The following LRRIQ1 variants were observed in gnomAD, a reference collection of about 807,000 sequenced individuals.
The protein encoded by LRRIQ1 is leucine-rich repeat- and IQ domain-containing protein 1.
LRRIQ1 carries 210 observed loss-of-function variants against 211.9 expected under a neutral mutation model. The ratio of observed to expected loss-of-function variants is 0.99; its 90% CI spans 0.89 to 1.11. The LOEUF (loss-of-function observed/expected upper bound fraction) is 1.11, where lower values mean the gene tolerates loss of function less well. Among genes scored for constraint, LRRIQ1 ranks in the 50% most tolerant of loss-of-function variants. The pLI, the probability that LRRIQ1 is intolerant of heterozygous loss-of-function variation, is 0.00. For missense variants in LRRIQ1, 2,136 were observed against 1,939.5 expected (o/e 1.10, Z -1.90); for synonymous variants, 699 against 650.1 (o/e 1.08, Z -1.14).
chr12:85,041,103 C>T (rs1878829011), intron 3 of LRRIQ1, among the ~76,000 whole-genome samples: 1 of 151,546 alleles, frequency 6.6e-6, no homozygotes, highest in African/African-American at 2.4e-5. Flanking sequence ...TTCAACAAGA[C>T]CTTTTTTGTT....
intron 13 of LRRIQ1, among the ~76,000 whole-genome samples, chr12:85,100,700 C>T (rs2136290515): frequency 6.6e-6 from 1 of 151,712 alleles, no homozygotes; most frequent in East Asian, 1.9e-4. Flanking sequence ...GCTCTTTGTA[C>T]CTGTAACCTT....
chr12:85,047,118 T>C (rs940695781), intron 5 of LRRIQ1, 129 bp from the exon 6 acceptor site: 97 of 593,414 alleles, frequency 1.6e-4, no homozygotes, highest in Non-Finnish European at 2.3e-4. Flanking sequence ...AACCTGCACG[T>C]TGTGCACATG....
intron 26 of LRRIQ1, among the ~76,000 whole-genome samples, chr12:85,234,070 C>A (rs1895070647): frequency 6.9e-6 from 1 of 145,002 alleles, no homozygotes; most frequent in Non-Finnish European, 1.5e-5. Context: ...ATCTCTACCC[C>A]CAAAAATACA....
chr12:85,193,475 C>T (rs1285869573), intron 24 of LRRIQ1, among the ~76,000 whole-genome samples: 9 of 118,298 alleles, frequency 7.6e-5, no homozygotes, highest in Admixed American at 3.7e-4. Context: ...GTGGATCTCT[C>T]GGCAGAAACC....
intron 26 of LRRIQ1, among the ~76,000 whole-genome samples, chr12:85,234,783 A>G (rs955951245): frequency 2.6e-5 from 4 of 152,202 alleles, no homozygotes; most frequent in African/African-American, 9.6e-5. Context: ...AAAGGACAGA[A>G]AATTATGAAG....
Position 85,152,286 on chromosome 12 carries a change from T to A in LRRIQ1, c.4336T>A (p.Leu1446Ile). The A allele has an allele frequency of 6.8e-6, 11 of 1,608,190 alleles. No homozygotes were observed. The highest frequency in any genetic ancestry group is 9.3e-6 in the Non-Finnish European group (11 of 1,176,976). The change falls in exon 20 of 27, where the codon TTA becomes ATA. Residue 1446 changes from leucine (L) to isoleucine (I), a missense_variant. Transcript: ENST00000393217. ...LEDFIFDEAA[L>I]EEEWLALDST... is the part of the protein sequence containing the mutation. ...TTTAATATTATTTGTGCAGGCTGCCTTAGAAGAAGAATGGCTAGCATTAGA... is the reference window on the plus strand; with the variant it reads ...TTTAATATTATTTGTGCAGGCTGCCATAGAAGAAGAATGGCTAGCATTAGA...
At position 85,070,425 on chromosome 12, in the gene LRRIQ1, C is replaced by A. The variant is rs553554035; in HGVS notation, c.2696-2482C>A. 3.3e-5 allele frequency among the ~76,000 whole-genome samples: 5 copies of A among 152,078 alleles called. No individual in the cohort carries two copies. The East Asian group carries it at 9.7e-4, about 30-fold the overall frequency. ...GATCATTTCTTCCACAGCCTTTAAG[C>A]TGGAATTCTTTAATCAATTAGAACT... is the stretch of plus-strand genomic sequence containing the variant. On this transcript the variant is annotated intron_variant, in intron 10 of 26. Coordinates refer to ENST00000393217, the MANE Select transcript of LRRIQ1 (RefSeq NM_001079910.2).
chr12:85,238,263 C>G (rs1261255310), intron 26 of LRRIQ1, among the ~76,000 whole-genome samples: 1 of 151,828 alleles, frequency 6.6e-6, no homozygotes, highest in African/African-American at 2.4e-5. Context: ...CTTGAGTGCT[C>G]TGTCAGATAA....
At chr12:85,068,873 CT>C (rs1259690261) in intron 10 of LRRIQ1, among the ~76,000 whole-genome samples, 7 of 150,458 alleles carry the variant, frequency 4.7e-5, no homozygotes, top group African/African-American at 9.7e-5. Context: ...TGTCCATTTA[CT>C]TTTTTTAGTT....
intron 10 of LRRIQ1, among the ~76,000 whole-genome samples, chr12:85,068,107 G>A (rs189462260): frequency 1.3e-4 from 20 of 151,964 alleles, no homozygotes; most frequent in African/African-American, 3.9e-4. Flanking sequence ...AAGGGCCTTG[G>A]TAGAGGCTTA....
intron 3 of LRRIQ1, among the ~76,000 whole-genome samples, chr12:85,041,393 G>GC (rs1878865764): frequency 6.6e-6 from 1 of 151,566 alleles, no homozygotes; most frequent in African/African-American, 2.4e-5. Flanking sequence ...TTTCAATAGT[G>GC]ATAACTGCTA....
the LRRIQ1 span, among the ~76,000 whole-genome samples, chr12:85,269,738 G>C: frequency 1.3e-5 from 2 of 151,952 alleles, no homozygotes; most frequent in African/African-American, 2.4e-5. Context: ...GAAAAAGCTA[G>C]AATTTCTAAG....
At chr12:85,042,820 A>G (rs1454521068) in intron 3 of LRRIQ1, among the ~76,000 whole-genome samples, 1 of 152,042 alleles carries the variant, frequency 6.6e-6, no homozygotes, top group Non-Finnish European at 1.5e-5. Context: ...CTTACAACCT[A>G]TTAAGGAGCA....
intron 24 of LRRIQ1, among the ~76,000 whole-genome samples, chr12:85,228,879 C>T (rs912057569): frequency 7.9e-5 from 12 of 152,050 alleles, no homozygotes; most frequent in African/African-American, 1.9e-4. Context: ...TTGATTACTG[C>T]GATTTAGGTT....
intron 23 of LRRIQ1, 79 bp from the exon 24 acceptor site, chr12:85,160,534 C>A: frequency 2.6e-6 from 2 of 772,160 alleles, no homozygotes; most frequent in South Asian, 2.1e-5. Flanking sequence ...TTACTACCAC[C>A]ATATAAGAAA....
downstream of LRRIQ1, among the ~76,000 whole-genome samples, chr12:85,248,096 A>T (rs6539886): frequency 0.48 from 72,704 of 151,392 alleles, 21,492 homozygotes; most frequent in African/African-American, 0.84. Context: ...ATTTTAGTTT[A>T]CTCAATTTCC....
chr12:85,093,968 T>C (rs916525018), intron 11 of LRRIQ1, among the ~76,000 whole-genome samples: 5 of 152,178 alleles, frequency 3.3e-5, no homozygotes, highest in African/African-American at 1.2e-4. Flanking sequence ...GCCAGGTGAA[T>C]TGACTTTGGC....
At chr12:85,071,599 T>A (rs1334816594) in intron 10 of LRRIQ1, among the ~76,000 whole-genome samples, 1 of 151,958 alleles carries the variant, frequency 6.6e-6, no homozygotes, top group Non-Finnish European at 1.5e-5. Flanking sequence ...CAGACTCCCT[T>A]TATATATATT....
At chr12:85,200,676 GC>G (rs1893244122) in intron 24 of LRRIQ1, among the ~76,000 whole-genome samples, 1 of 152,120 alleles carries the variant, frequency 6.6e-6, no homozygotes, top group African/African-American at 2.4e-5. Flanking sequence ...TTTAGCAAAA[GC>G]CTTTTCTGCA....
Sources: allele counts gnomAD v4.1 joint callset (sites outside exome capture counted in the v4.1 genomes callset), GRCh38; gene constraint gnomAD v4.1.1; transcripts MANE v1.5; gene names NCBI Gene and HGNC (gene_info 2026-07-23, HGNC 2026-07-21).